FGF1: variants seen among roughly 807,000 people sequenced by gnomAD.
FGF1 encodes the protein fibroblast growth factor 1.
In FGF1, 9 loss-of-function variants were observed where a neutral mutation model predicts 13.4. The ratio of observed to expected loss-of-function variants is 0.67; its 90% CI spans 0.40 to 1.17. The LOEUF (loss-of-function observed/expected upper bound fraction) is 1.17, where lower values mean the gene tolerates loss of function less well. FGF1 is among the 50% of genes most tolerant of loss of function. The probability of loss-of-function intolerance (pLI) is 0.01; values close to 1 mark genes in which losing one functional copy is unlikely to be tolerated. For synonymous variants in FGF1, 93 were observed against 79.0 expected (o/e 1.18, Z -0.94); for missense variants, 156 against 192.7 (o/e 0.81, Z 1.13).
chr5:142,670,900 T>C (rs1771339191), intron 1 of FGF1, among the ~76,000 whole-genome samples: 1 of 152,192 alleles, frequency 6.6e-6, no homozygotes, highest in African/African-American at 2.4e-5. Context: ...GTATTTCCCA[T>C]AGTTAGACAA....
At chr5:142,614,695 G>C (rs1352649016) in intron 1 of FGF1, among the ~76,000 whole-genome samples, 2 of 152,162 alleles carry the variant, frequency 1.3e-5, no homozygotes, top group Non-Finnish European at 2.9e-5. Context: ...GACACAACAG[G>C]GAAAGTAAAG....
intron 1 of FGF1, among the ~76,000 whole-genome samples, chr5:142,642,855 G>A (rs1765412859): frequency 6.6e-6 from 1 of 152,236 alleles, no homozygotes; most frequent in Non-Finnish European, 1.5e-5. Context: ...TTGGAGCTGA[G>A]TCCTAGAAAC....
intron 2 of FGF1, among the ~76,000 whole-genome samples, chr5:142,601,650 G>A (rs1756602233): frequency 6.6e-6 from 1 of 152,134 alleles, no homozygotes; most frequent in South Asian, 2.1e-4. Context: ...CTAGTGGGTA[G>A]AGGCCAGAGA....
At chr5:142,672,207 A>G (rs1057236278) in intron 1 of FGF1, among the ~76,000 whole-genome samples, 8 of 152,236 alleles carry the variant, frequency 5.3e-5, no homozygotes, top group Non-Finnish European at 1.0e-4. Context: ...CCAATATTTT[A>G]ACAGTGATTA....
intron 1 of FGF1, among the ~76,000 whole-genome samples, chr5:142,637,980 G>T (rs1764562270): frequency 6.6e-6 from 1 of 151,938 alleles, no homozygotes; most frequent in African/African-American, 2.4e-5. Flanking sequence ...CATCTGTGGG[G>T]GCTTCATTCA....
In FGF1 at chr5:142,646,528, T is replaced by C. The variant is rs1766153048; in HGVS notation, c.-34-32367A>G. Among the ~76,000 whole-genome samples the C allele has an allele frequency of 2.0e-5, 3 of 152,226 alleles. No homozygotes were observed. In the South Asian group the frequency reaches 6.2e-4, roughly 32 times the overall value. On this transcript the variant is annotated intron_variant, in intron 1 of 3. Transcript: ENST00000337706. ...CCACCACGCCCGGCTACTTTTTGTGTTTTTAGTAGAGGCGGGGTTTCGCCA... is the reference window on the plus strand; with the variant it reads ...CCACCACGCCCGGCTACTTTTTGTGCTTTTAGTAGAGGCGGGGTTTCGCCA...
intron 1 of FGF1, among the ~76,000 whole-genome samples, chr5:142,655,101 T>A (rs913951427): frequency 6.6e-6 from 1 of 152,234 alleles, no homozygotes; most frequent in Non-Finnish European, 1.5e-5. Context: ...GAGGACCGAA[T>A]GGTGCCTTTC....
chr5:142,612,768 G>T (rs1759350494), intron 2 of FGF1, among the ~76,000 whole-genome samples: 2 of 152,114 alleles, frequency 1.3e-5, no homozygotes, highest in African/African-American at 2.4e-5. Flanking sequence ...CTCATCTCCA[G>T]GGTCTGTGCA....
Position 142,592,390 on chromosome 5 carries a change from C to T in FGF1, c.*2900G>A. On this transcript the variant is annotated 3_prime_UTR_variant, in exon 4 of 4. Coordinates refer to ENST00000337706, the MANE Select transcript of FGF1 (RefSeq NM_000800.5). ...AGGACCTTCAGTACTAGCTGATGCT[C>T]CAATCAGTTTTTTGTTCATACACAC... 2.5e-6 allele frequency: 1 copy of T among 398,536 alleles called. No individual in the cohort carries two copies. Among genetic ancestry groups the T allele is most frequent in the Non-Finnish European group, 4.4e-6 (1 of 226,032 alleles). The allele number at this position is 398,536 out of a possible 1,614,324, so 24.7% of individuals were successfully genotyped here.
chr5:142,680,170 C>A (rs561661016), intron 1 of FGF1: 1 of 152,304 alleles, frequency 6.6e-6, no homozygotes, highest in East Asian at 1.9e-4. Context: ...AGGTTGCATT[C>A]TCGGGCAATA....
chr5:142,640,152 G>A (rs971430215), intron 1 of FGF1, among the ~76,000 whole-genome samples: 2 of 151,914 alleles, frequency 1.3e-5, no homozygotes, highest in Non-Finnish European at 2.9e-5. Flanking sequence ...GAAGAAACTC[G>A]AGAAGAAGAG....
At position 142,594,971 on chromosome 5, in the gene FGF1, C is replaced by A. The variant is rs935649122; in HGVS notation, c.*319G>T. ...AGTTACTAATGTCCCACTTAGCCGA[C>A]CCCTTAACACACTTCATTTAGCCCC... On this transcript the variant is annotated 3_prime_UTR_variant, in exon 4 of 4. Transcript: ENST00000337706. 2.8e-5 allele frequency: 7 copies of A among 253,588 alleles called. No individual in the cohort carries two copies. Among genetic ancestry groups the A allele is most frequent in the African/African-American group, 1.6e-4 (7 of 44,806 alleles). 15.7% of individuals were successfully genotyped at this position (253,588 alleles called of 1,614,324 possible).
At chr5:142,596,228 G>A (rs1755212447) in intron 3 of FGF1, among the ~76,000 whole-genome samples, 1 of 152,216 alleles carries the variant, frequency 6.6e-6, no homozygotes, top group Non-Finnish European at 1.5e-5. Flanking sequence ...ACAACACTTT[G>A]GGAGGCTGAG....
chr5:142,610,987 G>A (rs1009727784), intron 2 of FGF1, among the ~76,000 whole-genome samples: 1 of 152,176 alleles, frequency 6.6e-6, no homozygotes, highest in Non-Finnish European at 1.5e-5. Flanking sequence ...AAAGGCATAC[G>A]GTTCTATCTT....
At chr5:142,611,943 C>T (rs534974738) in intron 2 of FGF1, among the ~76,000 whole-genome samples, 1 of 152,332 alleles carries the variant, frequency 6.6e-6, no homozygotes, top group East Asian at 1.9e-4. Context: ...ACGTGCTGTG[C>T]TGTTCCTCTG....
At chr5:142,635,827 G>A (rs1241833471) in intron 1 of FGF1, among the ~76,000 whole-genome samples, 2 of 152,218 alleles carry the variant, frequency 1.3e-5, no homozygotes, top group African/African-American at 4.8e-5. Flanking sequence ...TCTACATCAA[G>A]ATAGAAGAAA....
intron 3 of FGF1, among the ~76,000 whole-genome samples, chr5:142,597,748 T>G (rs183022347): frequency 6.6e-6 from 1 of 152,342 alleles, no homozygotes; most frequent in East Asian, 1.9e-4. Flanking sequence ...GTTCTCTATG[T>G]GTGAGCATGT....
chr5:142,597,259 C>T (rs1755467268), intron 3 of FGF1, among the ~76,000 whole-genome samples: 1 of 152,126 alleles, frequency 6.6e-6, no homozygotes, highest in Non-Finnish European at 1.5e-5. Context: ...GAATCTACCC[C>T]TAGGAGATGG....
intron 1 of FGF1, among the ~76,000 whole-genome samples, chr5:142,649,589 A>G (rs1766833106): frequency 6.6e-6 from 1 of 151,196 alleles, no homozygotes. Context: ...TTGTATTTTT[A>G]GTAGAGATGG....
Sources: gnomAD v4.1 joint callset for allele counts (sites outside exome capture counted in the v4.1 genomes callset) on GRCh38, gnomAD v4.1.1 for gene constraint, MANE v1.5 for transcripts, NCBI Gene and HGNC (gene_info 2026-07-23, HGNC 2026-07-21) for gene names.